Variants in ZNF487 observed in about 807,000 individuals in gnomAD.
The protein encoded by ZNF487 is KRAB domain only 1.
Under a neutral mutation model 3.0 loss-of-function variants are expected in ZNF487, and 4 were observed. The observed-to-expected ratio is 1.35, with a 90% CI of 0.66 to 3.08. The LOEUF is 3.08. ZNF487 is among the 30% of genes most tolerant of loss of function. The pLI, the probability that ZNF487 is intolerant of heterozygous loss-of-function variation, is 0.01. For missense variants in ZNF487, 146 were observed against 98.7 expected (o/e 1.48, Z -2.03); for synonymous variants, 55 against 34.6 (o/e 1.59, Z -2.06).
chr10:43,471,771 G>T (rs978134856), intron 1 of ZNF487, among the ~76,000 whole-genome samples: 16 of 152,140 alleles, frequency 1.1e-4, no homozygotes, highest in Admixed American at 9.2e-4. Context: ...TGAGTCTGGG[G>T]TCTTTCTTTA....
At chr10:43,488,041 G>A (rs1409744248), downstream of ZNF487, among the ~76,000 whole-genome samples, 1 of 151,530 alleles carries the variant, frequency 6.6e-6, no homozygotes, top group East Asian at 1.9e-4. Flanking sequence ...GGCGGAGTTT[G>A]GAGTGAGCCA....
In ZNF487 at chr10:43,481,647, A is replaced by G. The variant is rs763853611; in HGVS notation, c.349A>G (p.Ile117Val). ...TTTGAATAATATTTCAGAATTAATT[A>G]TTAGTAATAGAAGCTCCTTTGTAAG... The part of the protein sequence containing the change: ...MNLNNISELI[I>V]SNRSSFVRNP... Residue 117 changes from isoleucine (I) to valine (V), a missense_variant, in exon 4 of 4, where the codon ATT (isoleucine) becomes GTT (valine). Physicochemically the swap from Ile to Val is conservative, Grantham distance 29. Transcript: ENST00000437590. The G allele has an allele frequency of 2.2e-4, 153 of 682,190 alleles. No homozygotes were observed. Among genetic ancestry groups the G allele is most frequent in the Non-Finnish European group, 3.7e-4 (137 of 371,622 alleles). The allele number at this position is 682,190 out of a possible 1,614,324, so 42.3% of individuals were successfully genotyped here.
chr10:43,516,992 C>CA, the ZNF487 span, among the ~76,000 whole-genome samples: 1 of 152,240 alleles, frequency 6.6e-6, no homozygotes, highest in Non-Finnish European at 1.5e-5. Context: ...GGTACCGTAG[C>CA]AGCCTTGTCA....
the ZNF487 span, among the ~76,000 whole-genome samples, chr10:43,501,964 A>G: frequency 6.6e-6 from 1 of 152,182 alleles, no homozygotes; most frequent in Non-Finnish European, 1.5e-5. Context: ...ACTAAATACT[A>G]CAATGTGTGG....
At chr10:43,477,033 A>G (rs979159040) in intron 3 of ZNF487, among the ~76,000 whole-genome samples, 1 of 152,170 alleles carries the variant, frequency 6.6e-6, no homozygotes, top group Non-Finnish European at 1.5e-5. Flanking sequence ...TAAGAGATAG[A>G]CACATAAATT....
chr10:43,522,800 TAGTG>T, the ZNF487 span, among the ~76,000 whole-genome samples: 3,914 of 152,196 alleles, frequency 0.026, 178 homozygotes, highest in African/African-American at 0.089. Flanking sequence ...ACATATGTAT[TAGTG>T]AGTATTTTAC....
At chr10:43,460,840 G>C (rs928837863) in intron 1 of ZNF487, among the ~76,000 whole-genome samples, 2 of 151,522 alleles carry the variant, frequency 1.3e-5, no homozygotes, top group Non-Finnish European at 2.9e-5. Context: ...TTACAGGCAG[G>C]CACCACCAGG....
chr10:43,491,369 C>T, the ZNF487 span, among the ~76,000 whole-genome samples: 1 of 151,584 alleles, frequency 6.6e-6, no homozygotes, highest in Admixed American at 6.6e-5. Context: ...TCCTGTTCTC[C>T]AGGTACCTGT....
At chr10:43,466,014 C>T (rs1270003533) in intron 1 of ZNF487, among the ~76,000 whole-genome samples, 5 of 152,246 alleles carry the variant, frequency 3.3e-5, no homozygotes, top group Non-Finnish European at 2.9e-5. Context: ...AGCGAAACCC[C>T]GTCTCCACCA....
the ZNF487 span, among the ~76,000 whole-genome samples, chr10:43,512,985 C>A: frequency 1.3e-5 from 2 of 152,204 alleles, no homozygotes; most frequent in Non-Finnish European, 1.5e-5. Context: ...TAGAAGTTCC[C>A]TGAATTTAAG....
the ZNF487 span, among the ~76,000 whole-genome samples, chr10:43,498,937 G>A: frequency 1.4e-5 from 2 of 139,314 alleles, no homozygotes; most frequent in South Asian, 2.2e-4. Context: ...GCGAGACTCC[G>A]TCTCAAAAAA....
downstream of ZNF487, among the ~76,000 whole-genome samples, chr10:43,485,903 G>C (rs1041518661): frequency 6.6e-6 from 1 of 152,180 alleles, no homozygotes; most frequent in African/African-American, 2.4e-5. Flanking sequence ...TCCCCATTTA[G>C]GCTGTATTTA....
intron 1 of ZNF487, among the ~76,000 whole-genome samples, chr10:43,450,771 G>A (rs1369238617): frequency 6.6e-6 from 1 of 152,054 alleles, no homozygotes; most frequent in African/African-American, 2.4e-5. Context: ...CTAAATTTAA[G>A]TGGCTGTGAA....
chr10:43,461,009 A>ATT (rs145079351), intron 1 of ZNF487, among the ~76,000 whole-genome samples: 25 of 142,218 alleles, frequency 1.8e-4, no homozygotes, highest in Admixed American at 4.2e-4. Context: ...TAATATCTTA[A>ATT]TTTTTTTTTT....
chr10:43,479,966 C>CT (rs762122329), intron 3 of ZNF487, among the ~76,000 whole-genome samples: 2,979 of 48,132 alleles, frequency 0.062, 93 homozygotes, highest in Middle Eastern at 0.14. Context: ...CTCTTTCTTT[C>CT]TTTCTTTTCT....
At chr10:43,473,546 T>G (rs1166626182) in intron 1 of ZNF487, among the ~76,000 whole-genome samples, 1 of 151,372 alleles carries the variant, frequency 6.6e-6, no homozygotes, top group Non-Finnish European at 1.5e-5. Flanking sequence ...TGAGATGGAG[T>G]CTTGCTTTGT....
At chr10:43,462,307 C>T (rs1485139576) in intron 1 of ZNF487, among the ~76,000 whole-genome samples, 2 of 152,026 alleles carry the variant, frequency 1.3e-5, no homozygotes, top group African/African-American at 2.4e-5. Flanking sequence ...TTTCTAGCCA[C>T]GTAATCATTG....
chr10:43,473,542 G>A (rs1398756315), intron 1 of ZNF487, among the ~76,000 whole-genome samples: 1 of 148,782 alleles, frequency 6.7e-6, no homozygotes, highest in African/African-American at 2.5e-5. Context: ...TTTTTGAGAT[G>A]GAGTCTTGCT....
chr10:43,441,668 C>T (rs1182068069), intron 1 of ZNF487, among the ~76,000 whole-genome samples: 1 of 151,956 alleles, frequency 6.6e-6, no homozygotes, highest in African/African-American at 2.4e-5. Context: ...CTCACTGCAA[C>T]GTCTGCCTCC....
Sources: allele counts gnomAD v4.1 joint callset (sites outside exome capture counted in the v4.1 genomes callset), GRCh38; gene constraint gnomAD v4.1.1; transcripts MANE v1.5; gene names NCBI Gene and HGNC (gene_info 2026-07-23, HGNC 2026-07-21).